MBD5: variants seen among roughly 807,000 people sequenced by gnomAD.
The protein encoded by MBD5 is methyl-CpG binding domain protein 5.
A neutral mutation model predicts 117.3 loss-of-function variants in MBD5; 13 were observed. The ratio of observed to expected loss-of-function variants is 0.11; its 90% confidence interval spans 0.07 to 0.18. The LOEUF (loss-of-function observed/expected upper bound fraction) is 0.18, where lower values mean the gene tolerates loss of function less well. Among genes scored for constraint, MBD5 ranks in the 10% least tolerant of loss-of-function variants. The pLI, the probability that MBD5 is intolerant of heterozygous loss-of-function variation, is 1.00. For synonymous variants in MBD5, 727 were observed against 766.4 expected, an observed-to-expected ratio of 0.95 and a Z score of 0.85; for missense variants, 1,879 against 2,093.8, an observed-to-expected ratio of 0.90 and a Z score of 2.00.
At chr2:148,055,418 CTTTTTTTT>C (rs56877252) in intron 1 of MBD5, 2 of 140,918 alleles carry the variant, frequency 1.4e-5, no homozygotes, top group Non-Finnish European at 3.1e-5. Context: ...ATAGGTTTTT[CTTTTTTTT>C]TTTTTTCTTT....
At chr2:148,365,875 C>T (rs1703682716) in intron 4 of MBD5, among the ~76,000 whole-genome samples, 1 of 151,862 alleles carries the variant, frequency 6.6e-6, no homozygotes, top group South Asian at 2.1e-4. Context: ...AGATGGATGC[C>T]CAGGTGAATT....
rs903024756 is a variant in MBD5 at position 148,078,148 on chromosome 2, T to G, written c.-925+56464T>G. Among the ~76,000 whole-genome samples the G allele has an allele frequency of 3.3e-5, 5 of 152,178 alleles. No homozygotes were observed. In the East Asian group the frequency reaches 9.6e-4, roughly 29 times the overall value. On this transcript the variant is annotated intron_variant, in intron 1 of 13. Coordinates refer to ENST00000642680, the MANE Select transcript of MBD5 (RefSeq NM_001378120.1). ...TCTTTCAGATCTGTTGCTTCAGAGC[T>G]TGTATCCTTAACCATCATTCTGAAC...
intron 3 of MBD5, among the ~76,000 whole-genome samples, chr2:148,274,923 A>G (rs1051037397): frequency 1.1e-4 from 17 of 152,042 alleles, no homozygotes; most frequent in Non-Finnish European, 2.1e-4. Flanking sequence ...GGGTTTCACC[A>G]TGTTAGCCAG....
chr2:148,398,466 GT>G, intron 4 of MBD5, among the ~76,000 whole-genome samples: 1 of 152,228 alleles, frequency 6.6e-6, no homozygotes, highest in Admixed American at 6.5e-5. Context: ...AGAAGTGTCT[GT>G]TCATATCCTT....
chr2:148,383,115 C>G (rs1233658567), intron 4 of MBD5, among the ~76,000 whole-genome samples: 1 of 151,910 alleles, frequency 6.6e-6, no homozygotes, highest in Admixed American at 6.6e-5. Context: ...CAGAGCAGAA[C>G]TGAAGGAAAT....
intron 4 of MBD5, among the ~76,000 whole-genome samples, chr2:148,370,341 T>C (rs1315869583): frequency 2.6e-5 from 4 of 152,200 alleles, no homozygotes; most frequent in Admixed American, 1.3e-4. Context: ...ACTGATGAGC[T>C]ATCTGGTCTG....
At chr2:148,460,711 A>G (rs964233910) in intron 5 of MBD5, among the ~76,000 whole-genome samples, 58 of 152,234 alleles carry the variant, frequency 3.8e-4, no homozygotes, top group African/African-American at 1.2e-3. Flanking sequence ...TTAAAGAGAT[A>G]CAACTGAAGG....
chr2:148,333,697 T>A (rs1465859717), intron 3 of MBD5, among the ~76,000 whole-genome samples: 1 of 150,844 alleles, frequency 6.6e-6, no homozygotes, highest in African/African-American at 2.4e-5. Context: ...AAAAAATAAA[T>A]AAATACAAAA....
chr2:148,263,226 G>C (rs1700773608), intron 3 of MBD5, among the ~76,000 whole-genome samples: 1 of 152,132 alleles, frequency 6.6e-6, no homozygotes, highest in Non-Finnish European at 1.5e-5. Flanking sequence ...AAATATCTGG[G>C]CTGAGAAATA....
At chr2:148,398,671 T>A (rs1357427157) in intron 4 of MBD5, among the ~76,000 whole-genome samples, 153 of 152,344 alleles carry the variant, frequency 1.0e-3, no homozygotes, top group Non-Finnish European at 1.8e-4. Flanking sequence ...ATCCCATTTG[T>A]CAATTTTGGC....
chr2:148,253,218 G>T (rs189521112), intron 3 of MBD5, among the ~76,000 whole-genome samples: 1 of 152,090 alleles, frequency 6.6e-6, no homozygotes, highest in Non-Finnish European at 1.5e-5. Context: ...TGAGAAAATT[G>T]ATAAAGAATT....
chr2:148,434,112 T>C (rs1706079864), intron 4 of MBD5, among the ~76,000 whole-genome samples: 1 of 151,990 alleles, frequency 6.6e-6, no homozygotes, highest in Non-Finnish European at 1.5e-5. Flanking sequence ...CCTGGTTCAG[T>C]CTTGGGAGGT....
intron 1 of MBD5, among the ~76,000 whole-genome samples, chr2:148,146,564 T>A (rs1697471293): frequency 6.6e-6 from 1 of 152,092 alleles, no homozygotes; most frequent in African/African-American, 2.4e-5. Flanking sequence ...CATTTTAGTT[T>A]GATGTGTTTG....
intron 1 of MBD5, among the ~76,000 whole-genome samples, chr2:148,152,470 C>T (rs1185101918): frequency 6.6e-6 from 1 of 151,932 alleles, no homozygotes; most frequent in Non-Finnish European, 1.5e-5. Flanking sequence ...TGCTGCAGAG[C>T]TGAGTTCAAT....
At chr2:148,167,624 A>G (rs1257831014) in intron 1 of MBD5, among the ~76,000 whole-genome samples, 1 of 152,168 alleles carries the variant, frequency 6.6e-6, no homozygotes, top group Non-Finnish European at 1.5e-5. Flanking sequence ...TCCAGTACCC[A>G]AAAATGTTAT....
intron 4 of MBD5, among the ~76,000 whole-genome samples, chr2:148,379,138 C>T (rs1704064445): frequency 1.3e-5 from 2 of 151,766 alleles, no homozygotes; most frequent in Admixed American, 6.6e-5. Flanking sequence ...CAGTAAAGAA[C>T]AGCAGTCTAC....
chr2:148,397,325 C>CTTTTTTTTT (rs34236548), intron 4 of MBD5, among the ~76,000 whole-genome samples: 1 of 100,670 alleles, frequency 9.9e-6, no homozygotes, highest in Non-Finnish European at 2.0e-5. Context: ...TCTTCTGATC[C>CTTTTTTTTT]TTTTTTTTTT....
intron 1 of MBD5, among the ~76,000 whole-genome samples, chr2:148,033,300 C>T (rs1694092708): frequency 6.6e-6 from 1 of 152,146 alleles, no homozygotes; most frequent in African/African-American, 2.4e-5. Flanking sequence ...AGAGTGATTT[C>T]ATACAGTTAG....
At chr2:148,457,670 G>A (rs1706926723) in intron 4 of MBD5, among the ~76,000 whole-genome samples, 1 of 151,806 alleles carries the variant, frequency 6.6e-6, no homozygotes, top group Admixed American at 6.6e-5. Context: ...AATATGGGAG[G>A]GAAACCACCT....
Sources: allele counts gnomAD v4.1 joint callset (sites outside exome capture counted in the v4.1 genomes callset), GRCh38; gene constraint gnomAD v4.1.1; transcripts MANE v1.5; gene names NCBI Gene and HGNC (gene_info 2026-07-23, HGNC 2026-07-21).